STK32B: variants seen among roughly 807,000 people sequenced by gnomAD.
The protein encoded by STK32B is serine/threonine kinase 32B, also known as serine/threonine-protein kinase 32B.
STK32B carries 43 observed loss-of-function variants against 52.6 expected under a neutral mutation model. That is an observed-to-expected ratio of 0.82 (90% confidence interval 0.64 to 1.05). STK32B has a LOEUF of 1.05. Ranked by LOEUF, STK32B falls within the 50% of genes least tolerant of loss-of-function variation. The pLI is 0.00. For synonymous variants in STK32B, 238 were observed against 204.3 expected, an observed-to-expected ratio of 1.17 and a Z score of -1.41; for missense variants, 621 against 534.6, an observed-to-expected ratio of 1.16 and a Z score of -1.59.
chr4:5,254,876 T>G (rs1726187028), intron 3 of STK32B, among the ~76,000 whole-genome samples: 1 of 151,936 alleles, frequency 6.6e-6, no homozygotes, highest in African/African-American at 2.4e-5. Flanking sequence ...AAGTAGATGT[T>G]CTTTGTTTTT....
chr4:5,166,995 A>AAGGAACCAATACAGTCCCTCC (rs1577131339), intron 2 of STK32B, among the ~76,000 whole-genome samples: 5 of 152,248 alleles, frequency 3.3e-5, no homozygotes, highest in East Asian at 1.9e-4. Context: ...CTAACTGTCC[A>AAGGAACCAATACAGTCCCTCC]TGCCACATGT....
chr4:5,463,476 A>G (rs1717188373), intron 9 of STK32B, among the ~76,000 whole-genome samples: 1 of 124,966 alleles, frequency 8.0e-6, no homozygotes, highest in Non-Finnish European at 1.9e-5. Flanking sequence ...ACACTCACAC[A>G]CTCAGTCACA....
intron 6 of STK32B, among the ~76,000 whole-genome samples, chr4:5,439,920 G>A (rs1714545356): frequency 6.6e-6 from 1 of 152,094 alleles, no homozygotes. Flanking sequence ...TTGTAGATAT[G>A]CGGCATTATT....
At chr4:5,225,971 C>T (rs1560238833) in intron 3 of STK32B, among the ~76,000 whole-genome samples, 1 of 152,184 alleles carries the variant, frequency 6.6e-6, no homozygotes, top group Non-Finnish European at 1.5e-5. Context: ...CTTCAGACTT[C>T]TGTTCTCAAG....
Position 5,456,586 on chromosome 4 carries a change from C to T in STK32B, c.667-221C>T, listed in dbSNP as rs139455658. Among the ~76,000 whole-genome samples the T allele has an allele frequency of 4.3e-3, 656 of 152,300 alleles. 8 individuals are homozygous for T. The highest frequency in any genetic ancestry group is 0.015 in the African/African-American group (627 of 41,576). ...GTGAGCCACCCCTAACATGCTGTGG[C>T]CACAGCAGCAGCACCCACCTGCCAG... On this transcript the variant is annotated intron_variant, in intron 7 of 11. Transcript: ENST00000282908.
intron 3 of STK32B, among the ~76,000 whole-genome samples, chr4:5,246,664 T>G (rs941269771): frequency 6.6e-6 from 1 of 152,204 alleles, no homozygotes; most frequent in Non-Finnish European, 1.5e-5. Context: ...TTTTAGAGTT[T>G]CTGGTTTTTC....
intron 6 of STK32B, among the ~76,000 whole-genome samples, chr4:5,424,007 C>G (rs534353016): frequency 6.6e-6 from 1 of 152,104 alleles, no homozygotes; most frequent in Non-Finnish European, 1.5e-5. Flanking sequence ...AAACCCCACT[C>G]CCCCCGTAGG....
chr4:5,078,551 T>C (rs1018732524), intron 1 of STK32B, among the ~76,000 whole-genome samples: 2 of 152,192 alleles, frequency 1.3e-5, no homozygotes, highest in Admixed American at 6.5e-5. Context: ...ATGTTGGGGA[T>C]TCAACTACGT....
intron 4 of STK32B, among the ~76,000 whole-genome samples, chr4:5,334,000 C>A (rs1388008663): frequency 6.6e-6 from 1 of 152,058 alleles, no homozygotes; most frequent in African/African-American, 2.4e-5. Context: ...TAGTTTTTTT[C>A]CAATTCTGTG....
chr4:5,123,375 G>C (rs1715177401), intron 1 of STK32B, among the ~76,000 whole-genome samples: 1 of 152,190 alleles, frequency 6.6e-6, no homozygotes, highest in Non-Finnish European at 1.5e-5. Flanking sequence ...GATTGAAGGA[G>C]TTTTTGTCCA....
At chr4:5,281,360 A>G (rs1346112634) in intron 3 of STK32B, among the ~76,000 whole-genome samples, 3 of 152,156 alleles carry the variant, frequency 2.0e-5, no homozygotes, top group Non-Finnish European at 4.4e-5. Context: ...TGAACACTGC[A>G]TGTTCTCACT....
chr4:5,226,447 A>C (rs191727523), intron 3 of STK32B, among the ~76,000 whole-genome samples: 1 of 152,166 alleles, frequency 6.6e-6, no homozygotes, highest in Non-Finnish European at 1.5e-5. Flanking sequence ...TCAGAAGTAA[A>C]TGATTCATAG....
At chr4:5,276,069 A>C (rs1727802106) in intron 3 of STK32B, among the ~76,000 whole-genome samples, 1 of 152,090 alleles carries the variant, frequency 6.6e-6, no homozygotes, top group African/African-American at 2.4e-5. Flanking sequence ...CAGGCGGATC[A>C]CCTGAGGTCA....
intron 4 of STK32B, among the ~76,000 whole-genome samples, chr4:5,339,151 G>A (rs1045324333): frequency 6.6e-6 from 1 of 152,116 alleles, no homozygotes; most frequent in African/African-American, 2.4e-5. Flanking sequence ...TACACTAACG[G>A]CCTCCAATTT....
chr4:5,125,132 C>G (rs916421101), intron 1 of STK32B, among the ~76,000 whole-genome samples: 18 of 152,140 alleles, frequency 1.2e-4, no homozygotes, highest in Non-Finnish European at 2.5e-4. Context: ...GGAACGGAAT[C>G]CTGCTAATTA....
intron 1 of STK32B, among the ~76,000 whole-genome samples, chr4:5,056,531 A>C (rs1449186321): frequency 2.0e-5 from 3 of 152,218 alleles, no homozygotes; most frequent in East Asian, 1.9e-4. Context: ...AATATCAAGA[A>C]TCTTCATTCC....
intron 1 of STK32B, among the ~76,000 whole-genome samples, chr4:5,099,463 T>C (rs1457215955): frequency 1.1e-4 from 4 of 35,454 alleles, no homozygotes; most frequent in South Asian, 5.6e-4. Flanking sequence ...CGCGCGCGTA[T>C]GTGATGTGTT....
intron 3 of STK32B, among the ~76,000 whole-genome samples, chr4:5,252,000 G>A (rs1725966738): frequency 6.6e-6 from 1 of 152,066 alleles, no homozygotes; most frequent in Non-Finnish European, 1.5e-5. Flanking sequence ...ATATGTTTAA[G>A]GATTATGTTA....
intron 1 of STK32B, among the ~76,000 whole-genome samples, chr4:5,123,293 C>T (rs1715171803): frequency 6.6e-6 from 1 of 152,162 alleles, no homozygotes; most frequent in Non-Finnish European, 1.5e-5. Flanking sequence ...CTGGATCCTA[C>T]ATGCCTCCCG....
Sources: allele counts gnomAD v4.1 joint callset (sites outside exome capture counted in the v4.1 genomes callset), GRCh38; gene constraint gnomAD v4.1.1; transcripts MANE v1.5; gene names NCBI Gene and HGNC (gene_info 2026-07-23, HGNC 2026-07-21).